Variants in MYH7B observed in about 807,000 individuals in gnomAD.
MYH7B encodes myosin-7B.
In MYH7B, 205 loss-of-function variants were observed where a neutral mutation model predicts 234.5. That is an observed-to-expected ratio of 0.87 (90% CI 0.78 to 0.98). MYH7B has a LOEUF of 0.98. Ranked by LOEUF, MYH7B falls within the 50% of genes least tolerant of loss-of-function variation. The pLI is 0.00. For missense variants in MYH7B, 2,652 were observed against 2,633.4 expected (o/e 1.01, Z -0.15); for synonymous variants, 1,193 against 1,105.0 (o/e 1.08, Z -1.58).
intron 2 of MYH7B, among the ~76,000 whole-genome samples, chr20:34,970,947 C>T (rs1274799172): frequency 1.3e-5 from 2 of 152,286 alleles, no homozygotes; most frequent in East Asian, 3.9e-4. Flanking sequence ...ACAGGTTGAA[C>T]TCAAGGATGC....
intron 3 of MYH7B, among the ~76,000 whole-genome samples, chr20:34,976,393 T>TC (rs1186971102): frequency 6.6e-6 from 1 of 152,230 alleles, no homozygotes; most frequent in Non-Finnish European, 1.5e-5. Context: ...GATCTGGAAC[T>TC]CCATTGTTCC....
intron 10 of MYH7B, among the ~76,000 whole-genome samples, chr20:34,983,288 CTTTTCTTTTCTTT>C (rs1569038454): frequency 1.6e-5 from 1 of 64,098 alleles, no homozygotes; most frequent in Non-Finnish European, 2.9e-5. Context: ...TCTTTCTTTT[CTTTTCTTTTCTTT>C]TTTTTTTTTT....
chr20:34,978,442 C>T (rs2081891359), intron 5 of MYH7B, among the ~76,000 whole-genome samples: 1 of 152,204 alleles, frequency 6.6e-6, no homozygotes, highest in South Asian at 2.1e-4. Context: ...GTCCACAAAA[C>T]TTGTGCTGGG....
At chr20:34,960,458 A>C (rs2081684983) in intron 2 of MYH7B, among the ~76,000 whole-genome samples, 1 of 151,996 alleles carries the variant, frequency 6.6e-6, no homozygotes, top group Non-Finnish European at 1.5e-5. Flanking sequence ...GATGGTCTCG[A>C]TCTCCTGACC....
At chr20:34,971,586 A>ACCACCC (rs753343560) in intron 2 of MYH7B, among the ~76,000 whole-genome samples, 237 of 152,014 alleles carry the variant, frequency 1.6e-3, no homozygotes, top group Non-Finnish European at 2.8e-3. Flanking sequence ...CAGGGGCCCA[A>ACCACCC]CCACCCCCAG....
exon 38 of MYH7B, chr20:34,999,890 G>C: frequency 6.2e-7 from 1 of 1,613,736 alleles, no homozygotes. Flanking sequence ...GAAAGACGAG[G>C]AGTGCGCTAA....
At chr20:34,969,209 C>T (rs916156581) in intron 2 of MYH7B, among the ~76,000 whole-genome samples, 1 of 152,140 alleles carries the variant, frequency 6.6e-6, no homozygotes, top group African/African-American at 2.4e-5. Flanking sequence ...TGGGCCCACT[C>T]TCTGAGGACC....
chr20:34,999,764 CCT>C lies in MYH7B; in HGVS notation c.4666-26_4666-25del, dbSNP rs1357578373. ...TCCACTGGCCATCCCCCCCCCCCAC[CCT>C]ACCCTGCCTGCTCTGTATCCACAGG... On this transcript the variant is annotated intron_variant, in intron 37 of 44. Transcript: ENST00000262873. The C allele has an allele frequency of 1.9e-3, 2,209 of 1,181,152 alleles. 2 individuals are homozygous for C. The highest frequency in any genetic ancestry group is 2.3e-3 in the Non-Finnish European group (1,898 of 825,304). The allele number at this position is 1,181,152 out of a possible 1,614,324, so 73.2% of individuals were successfully genotyped here. A position where few individuals can be genotyped will look rare whatever the true frequency, so the allele number is the denominator to read the frequency against.
chr20:34,985,191 G>T, intron 13 of MYH7B, 62 bp downstream of exon 13: 1 of 1,525,534 alleles, frequency 6.6e-7, no homozygotes, highest in Non-Finnish European at 9.1e-7. Flanking sequence ...ACCCCAACTC[G>T]GCCTCTGTCA....
chr20:34,970,100 G>A (rs2081778956), intron 2 of MYH7B, among the ~76,000 whole-genome samples: 2 of 152,164 alleles, frequency 1.3e-5, no homozygotes, highest in Admixed American at 1.3e-4. Context: ...TAGATGAGGT[G>A]CTCCTTCCTC....
rs548134821 is a variant in MYH7B at position 34,999,385 on chromosome 20, G to A, written c.4520G>A (p.Arg1507Gln). Residue 1507 changes from arginine to glutamine, a missense_variant, in exon 36 of 45, where the codon CGG becomes CAG. By Grantham distance (43) the Arg-to-Gln change is conservative. Around this residue, in one of 3 missense-constraint regions of MYH7B, gnomAD observed 2,279 missense variants for 2,211.4 expected, o/e 1.03. Transcript: ENST00000262873. Reference sequence around the variant, plus strand: ...CTTGAAGCCCTGGAGACGCTCAAGCGGGAGAACAAGAACCTGCAGGGTAGG... The same window carrying A: ...CTTGAAGCCCTGGAGACGCTCAAGCAGGAGAACAAGAACCTGCAGGGTAGG... The A allele has an allele frequency of 3.5e-5, 53 of 1,523,252 alleles. No individual in the cohort carries two copies. Among genetic ancestry groups the A allele is most frequent in the East Asian group, 2.8e-4 (12 of 42,718 alleles). The allele number at this position is 1,523,252 out of a possible 1,614,324, so 94.4% of individuals were successfully genotyped here.
intron 3 of MYH7B, among the ~76,000 whole-genome samples, chr20:34,976,546 C>T (rs2081856219): frequency 6.6e-6 from 1 of 152,240 alleles, no homozygotes; most frequent in Non-Finnish European, 1.5e-5. Context: ...GGCAGATGGA[C>T]TGCCAGCGCC....
rs2098914541 is a variant in MYH7B, at chr20:34,964,894, G to C, written c.-222+6682G>C. Among the ~76,000 whole-genome samples the C allele has an allele frequency of 2.0e-5, 3 of 152,110 alleles. No individual in the cohort carries two copies. In the South Asian group the frequency reaches 6.2e-4, roughly 32 times the overall value. ...TATTGGTGTGACATGAACTTTCCTT[G>C]TTTAATCTACTGAGTTTGGAGATGG... On this transcript the variant is annotated intron_variant, in intron 2 of 44. Coordinates refer to ENST00000262873, the Ensembl canonical transcript of MYH7B.
chr20:34,966,323 A>G (rs1243386581), intron 2 of MYH7B, among the ~76,000 whole-genome samples: 1 of 152,236 alleles, frequency 6.6e-6, no homozygotes, highest in Non-Finnish European at 1.5e-5. Flanking sequence ...CAAACATGAA[A>G]TGAGCAACAC....
In MYH7B at chr20:34,987,915, G is replaced by A. The variant is rs2082060969; in HGVS notation, c.1416+1G>A. Reference sequence around the variant, plus strand: ...CATCGCTGGGTTTGAGATCTTTGAGGTGAGGACAGGCCCTCACCTTGGCCT... The same window carrying A: ...CATCGCTGGGTTTGAGATCTTTGAGATGAGGACAGGCCCTCACCTTGGCCT... On this transcript the variant is annotated splice_donor_variant, in intron 18 of 44. Coordinates refer to ENST00000262873, the Ensembl canonical transcript of MYH7B. LOFTEE classifies it high-confidence loss of function. 1 of 1,592,150 alleles carries A rather than the reference G, an allele frequency of 6.3e-7. No homozygotes were observed.
intron 16 of MYH7B, 130 bp from the exon 17 acceptor site, chr20:34,987,427 T>C: frequency 7.0e-7 from 1 of 1,423,132 alleles, no homozygotes; most frequent in Non-Finnish European, 9.6e-7. Flanking sequence ...CTTACCCTCC[T>C]GAGGCTTTGT....
At chr20:34,979,940 G>C in intron 7 of MYH7B, 136 bp downstream of exon 7, 2 of 985,040 alleles carry the variant, frequency 2.0e-6, no homozygotes, top group East Asian at 2.6e-5. Context: ...TGATAGAGCG[G>C]GTCCATAGCG....
chr20:34,963,764 G>C (rs2081719191), intron 2 of MYH7B, among the ~76,000 whole-genome samples: 1 of 152,074 alleles, frequency 6.6e-6, no homozygotes, highest in Admixed American at 6.5e-5. Flanking sequence ...TAGGATGTGA[G>C]GTAGGTCTTA....
chr20:35,001,550 C>T (rs2082383087), intron 43 of MYH7B, 24 bp downstream of exon 43: 4 of 1,576,210 alleles, frequency 2.5e-6, no homozygotes, highest in Admixed American at 1.8e-5. Context: ...GGCCTGGACA[C>T]CTGGACCGGG....
Sources: gnomAD v4.1 joint callset for allele counts (sites outside exome capture counted in the v4.1 genomes callset) on GRCh38, gnomAD v4.1.1 for gene constraint, gnomAD v4.1.1 regional missense constraint, MANE v1.5 for transcripts, NCBI Gene and HGNC (gene_info 2026-07-23, HGNC 2026-07-21) for gene names.